SPRY3: variants seen among roughly 807,000 people sequenced by gnomAD.
The protein encoded by SPRY3 is sprouty RTK signaling antagonist 3, also known as protein sprouty homolog 3.
SPRY3 carries 15 observed loss-of-function variants against 20.2 expected under a neutral mutation model. The observed-to-expected ratio is 0.74, with a 90% confidence interval of 0.50 to 1.14. SPRY3 has a LOEUF of 1.14. Among genes scored for constraint, SPRY3 ranks in the 50% most tolerant of loss-of-function variants. The pLI, the probability that SPRY3 is intolerant of heterozygous loss-of-function variation, is 0.00. For synonymous variants in SPRY3, 143 were observed against 136.5 expected (o/e 1.05, Z -0.33); for missense variants, 364 against 363.9 (o/e 1.00, Z 0.00).
chrX:155,719,212 A>G (rs2091040813), intron 2 of SPRY3, among the ~76,000 whole-genome samples: 2 of 152,148 alleles, frequency 1.3e-5, no homozygotes, highest in African/African-American at 4.8e-5. Flanking sequence ...GTCCTGTTAT[A>G]GCAGAAAACA....
At chrX:155,726,218 TGAG>T (rs2091095806) in intron 2 of SPRY3, among the ~76,000 whole-genome samples, 1 of 152,186 alleles carries the variant, frequency 6.6e-6, no homozygotes. Context: ...TTTCATTTGC[TGAG>T]GAGTGCTTTA....
intron 2 of SPRY3, among the ~76,000 whole-genome samples, chrX:155,762,414 G>T (rs973007136): frequency 1.3e-5 from 2 of 151,900 alleles, no homozygotes; most frequent in African/African-American, 4.9e-5. Flanking sequence ...AGGTATTTCT[G>T]GATGATGAGA....
intron 2 of SPRY3, among the ~76,000 whole-genome samples, chrX:155,665,587 GA>G (rs1188167654): frequency 9.0e-6 from 1 of 111,356 alleles, no homozygotes; most frequent in South Asian, 3.8e-4. Flanking sequence ...ATTGAGGGGG[GA>G]AAAAGCAAGA....
At chrX:155,659,364 C>A (rs1488440796) in intron 2 of SPRY3, among the ~76,000 whole-genome samples, 3 of 110,103 alleles carry the variant, frequency 2.7e-5, no homozygotes, top group Non-Finnish European at 5.7e-5. Flanking sequence ...CCAGGATGGT[C>A]TCGATCTCAT....
intron 2 of SPRY3, among the ~76,000 whole-genome samples, chrX:155,705,639 A>G (rs1466846760): frequency 3.3e-5 from 5 of 151,370 alleles, no homozygotes; most frequent in Non-Finnish European, 7.4e-5. Context: ...CTGTAAAGGT[A>G]TAGATATGTT....
intron 2 of SPRY3, among the ~76,000 whole-genome samples, chrX:155,706,187 A>C (rs1038999814): frequency 1.3e-5 from 2 of 151,272 alleles, no homozygotes; most frequent in Non-Finnish European, 3.0e-5. Context: ...AGTAGAATTA[A>C]ACTGGAAATC....
chrX:155,774,800 C>T lies in SPRY3; in HGVS notation c.*62C>T, dbSNP rs2091413011. On this transcript the variant is annotated 3_prime_UTR_variant, in exon 4 of 4. Transcript: ENST00000675360. ...GAGTCCCCAACAGCAAAGCATAGGC[C>T]TCATCTTTGGAGAGGGGGAGGAGTG... 5 of 1,532,246 alleles carry T rather than the reference C, an allele frequency of 3.3e-6. No individual in the cohort carries two copies. In the South Asian group the frequency reaches 6.4e-5, roughly 20 times the overall value. The allele number at this position is 1,532,246 out of a possible 1,614,324, so 94.9% of individuals were successfully genotyped here.
At chrX:155,748,675 A>C (rs945956073) in intron 2 of SPRY3, among the ~76,000 whole-genome samples, 1 of 151,842 alleles carries the variant, frequency 6.6e-6, no homozygotes, top group African/African-American at 2.4e-5. Context: ...AGGGCCAAAG[A>C]ACAGGGCAAT....
chrX:155,705,050 T>A (rs1443436214), intron 2 of SPRY3, among the ~76,000 whole-genome samples: 4 of 151,548 alleles, frequency 2.6e-5, no homozygotes, highest in Non-Finnish European at 4.4e-5. Context: ...CAGACTAAAA[T>A]GTGGGACTAC....
chrX:155,759,841 T>C (rs369430751), intron 2 of SPRY3, among the ~76,000 whole-genome samples: 31 of 151,908 alleles, frequency 2.0e-4, no homozygotes, highest in African/African-American at 7.3e-4. Context: ...GAGAAGTAAG[T>C]AAGCCATTTA....
chrX:155,717,885 T>C (rs2091033333), intron 2 of SPRY3, among the ~76,000 whole-genome samples: 1 of 152,174 alleles, frequency 6.6e-6, no homozygotes, highest in Non-Finnish European at 1.5e-5. Context: ...TGTGTCTTTA[T>C]AGTAGAATGA....
At chrX:155,731,081 C>T (rs780830535) in intron 2 of SPRY3, among the ~76,000 whole-genome samples, 1 of 152,052 alleles carries the variant, frequency 6.6e-6, no homozygotes, top group African/African-American at 2.4e-5. Flanking sequence ...AATGTCCATA[C>T]TACCCAAAGC....
At chrX:155,774,815 G>C in exon 4 of SPRY3, 9 of 1,498,602 alleles carry the variant, frequency 6.0e-6, no homozygotes, top group Non-Finnish European at 8.1e-6. Flanking sequence ...CTTTGGAGAG[G>C]GGGAGGAGTG....
chrX:155,699,180 A>G (rs934912817), intron 2 of SPRY3, among the ~76,000 whole-genome samples: 8 of 112,132 alleles, frequency 7.1e-5, no homozygotes, highest in African/African-American at 1.9e-4. Context: ...GTCTACAGAA[A>G]AACTTCTAGA....
chrX:155,761,017 T>C (rs2091302147), intron 2 of SPRY3, among the ~76,000 whole-genome samples: 1 of 152,152 alleles, frequency 6.6e-6, no homozygotes, highest in South Asian at 2.1e-4. Flanking sequence ...TCCCATTGAC[T>C]CCTTCCTTTC....
At chrX:155,725,258 A>G (rs2091089374) in intron 2 of SPRY3, among the ~76,000 whole-genome samples, 1 of 152,208 alleles carries the variant, frequency 6.6e-6, no homozygotes, top group South Asian at 2.1e-4. Flanking sequence ...GAAGTTCATC[A>G]GGGATATTGG....
At chrX:155,659,310 A>T (rs1569562525) in intron 2 of SPRY3, among the ~76,000 whole-genome samples, 1 of 109,300 alleles carries the variant, frequency 9.1e-6, no homozygotes, top group Admixed American at 9.8e-5. Flanking sequence ...ACGCCTGGCT[A>T]ATTTTTTGTA....
At chrX:155,663,791 C>T (rs1048188597) in intron 2 of SPRY3, among the ~76,000 whole-genome samples, 1 of 110,555 alleles carries the variant, frequency 9.0e-6, no homozygotes, top group Non-Finnish European at 1.9e-5. Flanking sequence ...GTTTGAAAAC[C>T]ACTAGAATCA....
chrX:155,734,645 AAC>A (rs1049382000), intron 2 of SPRY3, among the ~76,000 whole-genome samples: 2 of 151,410 alleles, frequency 1.3e-5, no homozygotes, highest in East Asian at 1.9e-4. Flanking sequence ...TTGAAAAAAA[AAC>A]ACACACACAC....
Sources: allele counts gnomAD v4.1 joint callset (sites outside exome capture counted in the v4.1 genomes callset), GRCh38; gene constraint gnomAD v4.1.1; transcripts MANE v1.5; gene names NCBI Gene and HGNC (gene_info 2026-07-23, HGNC 2026-07-21).